Variants in MEGF11 observed in about 807,000 individuals in gnomAD.
MEGF11 encodes multiple epidermal growth factor-like domains protein 11.
A neutral mutation model predicts 146.6 loss-of-function variants in MEGF11; 126 were observed. The observed-to-expected ratio is 0.86, with a 90% CI of 0.74 to 1.00. The LOEUF (loss-of-function observed/expected upper bound fraction) is 1.00, where lower values mean the gene tolerates loss of function less well. Among genes scored for constraint, MEGF11 ranks in the 50% least tolerant of loss-of-function variants. The pLI, the probability that MEGF11 is intolerant of heterozygous loss-of-function variation, is 0.00. For missense variants in MEGF11, 1,509 were observed against 1,521.2 expected (o/e 0.99, Z 0.13); for synonymous variants, 532 against 583.4 (o/e 0.91, Z 1.27).
chr15:66,064,170 T>C (rs964119059), intron 5 of MEGF11, among the ~76,000 whole-genome samples: 3 of 152,024 alleles, frequency 2.0e-5, no homozygotes, highest in African/African-American at 7.2e-5. Context: ...GAGTTCGAGA[T>C]CAGATTGGCC....
chr15:65,913,812 T>TC lies in MEGF11; in HGVS notation c.2634dup (p.Lys879GlufsTer31). The TC allele has an allele frequency of 6.2e-7, 1 of 1,613,790 alleles. No individual in the cohort carries two copies. The highest frequency in any genetic ancestry group is 8.5e-7 in the Non-Finnish European group (1 of 1,179,806). The stretch of plus-strand genomic sequence containing the variant: ...ACACGGGGAGCCAGGTCTCGGCCCT[T>TC]CTCTTTCTGCCGCCGCCGATGCCAG... On this transcript the variant is annotated frameshift_variant, in exon 20 of 26. Transcript: ENST00000395614. LOFTEE classifies it high-confidence loss of function.
chr15:65,978,841 C>G (rs55749436), intron 7 of MEGF11, among the ~76,000 whole-genome samples: 1 of 152,096 alleles, frequency 6.6e-6, no homozygotes, highest in Admixed American at 6.5e-5. Flanking sequence ...TGGATTCTAG[C>G]TCCACCTCAC....
intron 1 of MEGF11, among the ~76,000 whole-genome samples, chr15:66,166,947 A>G (rs571748587): frequency 6.6e-6 from 1 of 152,190 alleles, no homozygotes; most frequent in Non-Finnish European, 1.5e-5. Context: ...ACTGCCCCTC[A>G]GGATGTGCCT....
intron 10 of MEGF11, among the ~76,000 whole-genome samples, chr15:65,942,737 G>C (rs887111274): frequency 1.3e-5 from 2 of 152,052 alleles, no homozygotes; most frequent in African/African-American, 4.8e-5. Context: ...GTTCCTGAGG[G>C]GCTGGGGGTG....
intron 10 of MEGF11, among the ~76,000 whole-genome samples, chr15:65,941,334 T>C (rs1033163434): frequency 1.3e-5 from 2 of 151,730 alleles, no homozygotes; most frequent in Non-Finnish European, 2.9e-5. Context: ...AAGAATAGCC[T>C]AAACTTGGGA....
intron 1 of MEGF11, among the ~76,000 whole-genome samples, chr15:66,175,292 G>C (rs1191871616): frequency 1.3e-5 from 2 of 152,034 alleles, no homozygotes; most frequent in Non-Finnish European, 2.9e-5. Flanking sequence ...AAATACCAAT[G>C]ACAGTCTTCA....
chr15:66,042,670 T>G (rs1236951055), intron 5 of MEGF11, among the ~76,000 whole-genome samples: 1 of 152,160 alleles, frequency 6.6e-6, no homozygotes, highest in East Asian at 1.9e-4. Context: ...CCCTGAAACC[T>G]GTTAGGGCAG....
At chr15:66,133,563 T>A (rs1435329327) in intron 1 of MEGF11, among the ~76,000 whole-genome samples, 1 of 152,176 alleles carries the variant, frequency 6.6e-6, no homozygotes, top group Admixed American at 6.5e-5. Flanking sequence ...CTAGTGGCCT[T>A]CCCCTTCCTC....
At chr15:65,951,636 G>C (rs1040900468) in intron 10 of MEGF11, among the ~76,000 whole-genome samples, 1 of 152,176 alleles carries the variant, frequency 6.6e-6, no homozygotes, top group African/African-American at 2.4e-5. Flanking sequence ...GCAGTAAGCT[G>C]AGATCACGCC....
intron 1 of MEGF11, among the ~76,000 whole-genome samples, chr15:66,202,695 C>T (rs913987494): frequency 3.3e-5 from 5 of 152,226 alleles, no homozygotes; most frequent in East Asian, 1.9e-4. Context: ...AAACTTCCTT[C>T]GGGCCTCTGG....
intron 1 of MEGF11, among the ~76,000 whole-genome samples, chr15:66,159,037 A>G (rs1345753721): frequency 6.6e-6 from 1 of 152,220 alleles, no homozygotes; most frequent in African/African-American, 2.4e-5. Context: ...TTGAGAGTTG[A>G]TCTTCCTCTA....
intron 5 of MEGF11, among the ~76,000 whole-genome samples, chr15:66,043,906 G>C (rs1213661034): frequency 6.6e-6 from 1 of 152,242 alleles, no homozygotes; most frequent in Non-Finnish European, 1.5e-5. Context: ...GGGGGAAAGG[G>C]AGTGGGGTAA....
intron 5 of MEGF11, among the ~76,000 whole-genome samples, chr15:65,986,503 C>A (rs2081862162): frequency 6.6e-6 from 1 of 151,826 alleles, no homozygotes; most frequent in Admixed American, 6.6e-5. Flanking sequence ...CAAAAAAAAA[C>A]AATGTTAGGG....
intron 4 of MEGF11, among the ~76,000 whole-genome samples, chr15:66,104,804 G>GGGCGCA (rs1307377461): frequency 6.6e-6 from 1 of 152,170 alleles, no homozygotes; most frequent in Non-Finnish European, 1.5e-5. Flanking sequence ...ACATCTAACA[G>GGGCGCA]CATCATGGGG....
intron 4 of MEGF11, among the ~76,000 whole-genome samples, chr15:66,095,442 T>C (rs960191652): frequency 1.3e-5 from 2 of 152,216 alleles, no homozygotes; most frequent in Admixed American, 1.3e-4. Flanking sequence ...GATGGTTTTT[T>C]GTTTTGTTTT....
At chr15:66,062,651 T>C (rs772775800) in intron 5 of MEGF11, among the ~76,000 whole-genome samples, 1 of 152,232 alleles carries the variant, frequency 6.6e-6, no homozygotes, top group Admixed American at 6.5e-5. Flanking sequence ...CCCAAACTCC[T>C]GACCCACAGA....
intron 1 of MEGF11, among the ~76,000 whole-genome samples, chr15:66,236,029 C>T (rs1197170758): frequency 6.6e-6 from 1 of 152,196 alleles, no homozygotes; most frequent in Non-Finnish European, 1.5e-5. Flanking sequence ...AGACAAGTCA[C>T]TCAGCCCACC....
chr15:66,200,121 A>T (rs1249425030), intron 1 of MEGF11, among the ~76,000 whole-genome samples: 1 of 152,240 alleles, frequency 6.6e-6, no homozygotes, highest in Non-Finnish European at 1.5e-5. Flanking sequence ...AAACATACCA[A>T]AATGTTGCCA....
At chr15:65,930,751 C>T in intron 11 of MEGF11, 72 bp downstream of exon 11, 3 of 1,484,302 alleles carry the variant, frequency 2.0e-6, no homozygotes, top group Admixed American at 2.0e-5. Context: ...ACCTGAGACC[C>T]CTCAGCTGGC....
Sources: gnomAD v4.1 joint callset for allele counts (sites outside exome capture counted in the v4.1 genomes callset) on GRCh38, gnomAD v4.1.1 for gene constraint, MANE v1.5 for transcripts, NCBI Gene and HGNC (gene_info 2026-07-23, HGNC 2026-07-21) for gene names.